CAMTA1: variants seen among roughly 807,000 people sequenced by gnomAD.
The protein encoded by CAMTA1 is calmodulin binding transcription activator 1.
CAMTA1 carries 27 observed loss-of-function variants against 170.9 expected under a neutral mutation model. That is an observed-to-expected ratio of 0.16 (90% CI 0.12 to 0.22). The LOEUF (loss-of-function observed/expected upper bound fraction) is 0.22. Ranked by LOEUF, CAMTA1 falls within the 10% of genes least tolerant of loss-of-function variation. CAMTA1 has a pLI of 1.00. For missense variants in CAMTA1, 1,619 were observed against 2,217.2 expected (o/e 0.73, Z 5.42); for synonymous variants, 833 against 891.5 (o/e 0.93, Z 1.17).
chr1:7,230,336 G>A (rs1662500955), intron 4 of CAMTA1, among the ~76,000 whole-genome samples: 1 of 151,898 alleles, frequency 6.6e-6, no homozygotes, highest in Non-Finnish European at 1.5e-5. Context: ...AGTCTTTGAG[G>A]GCACTGGCAA....
intron 6 of CAMTA1, among the ~76,000 whole-genome samples, chr1:7,494,042 C>T (rs572018862): frequency 1.1e-4 from 16 of 152,106 alleles, no homozygotes; most frequent in African/African-American, 2.7e-4. Flanking sequence ...ATTTTAAACA[C>T]GTTTCCAAAC....
At chr1:6,858,945 C>A (rs748065445) in intron 3 of CAMTA1, among the ~76,000 whole-genome samples, 3 of 152,188 alleles carry the variant, frequency 2.0e-5, no homozygotes, top group Non-Finnish European at 2.9e-5. Flanking sequence ...AGGGAACATA[C>A]AAATCATTAT....
chr1:7,691,247 G>A (rs189075285), intron 11 of CAMTA1, among the ~76,000 whole-genome samples: 96 of 152,290 alleles, frequency 6.3e-4, no homozygotes, highest in African/African-American at 2.1e-3. Flanking sequence ...AATGGCACGC[G>A]CAGAAACTCT....
intron 4 of CAMTA1, among the ~76,000 whole-genome samples, chr1:7,109,201 G>C (rs930090895): frequency 6.6e-6 from 1 of 152,232 alleles, no homozygotes; most frequent in African/African-American, 2.4e-5. Flanking sequence ...TTTCTTAGAA[G>C]TGAGACATTA....
Position 7,674,937 on chromosome 1 carries a change from T to C in CAMTA1, c.2780-2662T>C, listed in dbSNP as rs895382242. Among the ~76,000 whole-genome samples the C allele has an allele frequency of 1.3e-5, 2 of 152,154 alleles. No individual in the cohort carries two copies. Among genetic ancestry groups the C allele is most frequent in the African/African-American group, 4.8e-5 (2 of 41,438 alleles). The stretch of plus-strand genomic sequence containing the variant: ...AAGACAGAGCCAGTCCCAGCTCTCA[T>C]GAGCTAATGTTCTACTGCAGGGAGA... On this transcript the variant is annotated intron_variant, in intron 10 of 22. Coordinates refer to ENST00000303635, the MANE Select transcript of CAMTA1 (RefSeq NM_015215.4). This position sits in a 1 kb window ranked among gnomAD's most constrained non-coding sequence, Gnocchi z 4.1.
chr1:6,926,987 T>C (rs1033055964), intron 3 of CAMTA1, among the ~76,000 whole-genome samples: 3 of 152,014 alleles, frequency 2.0e-5, no homozygotes, highest in African/African-American at 7.2e-5. Flanking sequence ...TGCTTTGGTC[T>C]CCCAAAGTGC....
chr1:7,329,290 G>A (rs1203047365), intron 5 of CAMTA1, among the ~76,000 whole-genome samples: 1 of 152,000 alleles, frequency 6.6e-6, no homozygotes, highest in Non-Finnish European at 1.5e-5. Context: ...ATGACTAAAT[G>A]TTTTCTAAAC....
chr1:6,926,424 TC>T lies in CAMTA1; in HGVS notation c.234+101215del, dbSNP rs1683125814. On this transcript the variant is annotated intron_variant, in intron 3 of 22. Coordinates refer to ENST00000303635, the MANE Select transcript of CAMTA1 (RefSeq NM_015215.4). Reference sequence around the variant, plus strand: ...CCTCCCTCCTCTCTCTTTTCTTTTCTCTTTCTTTCTTTTCTCTTTCTTTCTT... The same window carrying T: ...CCTCCCTCCTCTCTCTTTTCTTTTCTTTTCTTTCTTTTCTCTTTCTTTCTT... 2.2e-5 allele frequency among the ~76,000 whole-genome samples: 3 copies of T among 138,700 alleles called. 1 individual carries two copies. The highest frequency in any genetic ancestry group is 2.7e-5 in the African/African-American group (1 of 37,276). 91.0% of individuals were successfully genotyped at this position (138,700 alleles called of 152,430 possible).
chr1:7,251,539 T>C lies in CAMTA1; in HGVS notation c.438+1913T>C, dbSNP rs1666644365. Among the ~76,000 whole-genome samples, 2 of 152,048 alleles carry C rather than the reference T, an allele frequency of 1.3e-5. No homozygotes were observed. Among genetic ancestry groups the C allele is most frequent in the Non-Finnish European group, 2.9e-5 (2 of 68,012 alleles). On this transcript the variant is annotated intron_variant, in intron 5 of 22. Coordinates refer to ENST00000303635, the MANE Select transcript of CAMTA1 (RefSeq NM_015215.4). This position sits in a 1 kb window ranked among gnomAD's most constrained non-coding sequence, Gnocchi z 5.1. ...AGAGAGGCCACCTACTATGATGCAT[T>C]ATGTGGTGGCCTTGCCCGTGAGCTC...
At chr1:7,312,652 C>G (rs1039466162) in intron 5 of CAMTA1, among the ~76,000 whole-genome samples, 6 of 152,234 alleles carry the variant, frequency 3.9e-5, no homozygotes, top group Admixed American at 3.9e-4. Flanking sequence ...TATACTTTTG[C>G]TCACTTTCCA....
At chr1:7,321,620 G>C (rs1164033518) in intron 5 of CAMTA1, among the ~76,000 whole-genome samples, 1 of 152,160 alleles carries the variant, frequency 6.6e-6, no homozygotes, top group Non-Finnish European at 1.5e-5. Flanking sequence ...CAAGCTGTCA[G>C]GGCTTTTCTG....
chr1:7,337,595 A>AGCCTCATCCAATCACAATGTGGGTG (rs1301738490), intron 5 of CAMTA1, among the ~76,000 whole-genome samples: 1 of 123,470 alleles, frequency 8.1e-6, no homozygotes, highest in African/African-American at 3.6e-5. Flanking sequence ...CAGTGTGGGC[A>AGCCTCATCCAATCACAATGTGGGTG]GTGGGCCTCA....
At chr1:7,068,958 C>T (rs1028710442) in intron 3 of CAMTA1, among the ~76,000 whole-genome samples, 1 of 152,204 alleles carries the variant, frequency 6.6e-6, no homozygotes, top group Non-Finnish European at 1.5e-5. Flanking sequence ...TTTGTTCACT[C>T]GCTTGCTCGA....
intron 6 of CAMTA1, among the ~76,000 whole-genome samples, chr1:7,602,085 TTCCTTCCTTCCTTCCTTC>T (rs2095449864): frequency 2.4e-5 from 1 of 41,726 alleles, no homozygotes; most frequent in African/African-American, 1.5e-4. Flanking sequence ...TTTTCTTTCC[TTCCTTCCTTCCTTCCTTC>T]CTTCCTTCCT....
At chr1:7,545,426 G>C (rs1192465689) in intron 6 of CAMTA1, among the ~76,000 whole-genome samples, 1 of 152,224 alleles carries the variant, frequency 6.6e-6, no homozygotes, top group Non-Finnish European at 1.5e-5. Context: ...TTGTTCCAAT[G>C]ATGTCAGCAT....
In CAMTA1 at chr1:6,922,898, C is replaced by T. The variant is rs539874593; in HGVS notation, c.234+97688C>T. On this transcript the variant is annotated intron_variant, in intron 3 of 22. Coordinates refer to ENST00000303635, the MANE Select transcript of CAMTA1 (RefSeq NM_015215.4). ...AACACACCCCCTTCCGTTAAGTGTTCCAGGAATGAGTCTGCTGGAGGATCA... is the reference window on the plus strand; with the variant it reads ...AACACACCCCCTTCCGTTAAGTGTTTCAGGAATGAGTCTGCTGGAGGATCA... Among the ~76,000 whole-genome samples, 290 of 152,238 alleles carry T rather than the reference C, an allele frequency of 1.9e-3. 1 individual carries two copies. The highest frequency in any genetic ancestry group is 6.5e-3 in the African/African-American group (271 of 41,542).
chr1:7,554,135 AAAGG>A (rs2094845412), intron 6 of CAMTA1, among the ~76,000 whole-genome samples: 1 of 152,112 alleles, frequency 6.6e-6, no homozygotes, highest in Non-Finnish European at 1.5e-5. Context: ...TCCTCCACAT[AAAGG>A]AAGGCAGGAG....
At chr1:7,211,718 G>A (rs182451842) in intron 4 of CAMTA1, among the ~76,000 whole-genome samples, 36 of 152,302 alleles carry the variant, frequency 2.4e-4, no homozygotes, top group Admixed American at 1.0e-3. Flanking sequence ...GCAGAGAATG[G>A]TTTCTGAATT....
chr1:7,679,924 ACAGAGGAACTGC>A, intron 11 of CAMTA1, among the ~76,000 whole-genome samples: 1 of 152,336 alleles, frequency 6.6e-6, no homozygotes, highest in East Asian at 1.9e-4. Flanking sequence ...GGAGGCAGGG[ACAGAGGAACTGC>A]CAGACCCCAC....
Sources: gnomAD v4.1 joint callset for allele counts (sites outside exome capture counted in the v4.1 genomes callset) on GRCh38, gnomAD v4.1.1 for gene constraint, Gnocchi (gnomAD v3.1) non-coding constraint, MANE v1.5 for transcripts, NCBI Gene and HGNC (gene_info 2026-07-23, HGNC 2026-07-21) for gene names.